ARMC9: variants seen among roughly 807,000 people sequenced by gnomAD.
ARMC9 encodes the protein lisH domain-containing protein ARMC9.
Under a neutral mutation model 107.0 loss-of-function variants are expected in ARMC9, and 94 were observed. The ratio of observed to expected loss-of-function variants is 0.88; its 90% CI spans 0.74 to 1.04. The LOEUF (loss-of-function observed/expected upper bound fraction) is 1.04. Ranked by LOEUF, ARMC9 falls within the 50% of genes least tolerant of loss-of-function variation. The pLI is 0.00. For synonymous variants in ARMC9, 380 were observed against 396.9 expected (o/e 0.96, Z 0.51); for missense variants, 942 against 1,030.1 (o/e 0.91, Z 1.17).
chr2:231,241,249 C>T (rs2036273337), intron 9 of ARMC9, among the ~76,000 whole-genome samples: 1 of 151,788 alleles, frequency 6.6e-6, no homozygotes, highest in African/African-American at 2.4e-5. Context: ...TTGATATTTC[C>T]TTATAATTAG....
chr2:231,226,726 G>A (rs2034676934), intron 6 of ARMC9, 48 bp from the exon 7 acceptor site: 1 of 1,600,638 alleles, frequency 6.2e-7, no homozygotes, highest in African/African-American at 1.3e-5. Context: ...GATACCCCAA[G>A]TACCGTTCCC....
chr2:231,255,298 G>A lies in ARMC9; in HGVS notation c.880-1288G>A, dbSNP rs1313004733. ...ACAGGATCAGGATTAAAAGAGAGTG[G>A]GGTGGAAGAGGGGTTGTTAATGTTT... On this transcript the variant is annotated intron_variant, in intron 9 of 24. Transcript: ENST00000611582. The surrounding 1 kb of genome is among the most constrained non-coding windows in gnomAD (Gnocchi z 4.7). 1.3e-5 allele frequency among the ~76,000 whole-genome samples: 2 copies of A among 152,082 alleles called. No homozygotes were observed.
chr2:231,364,329 G>C (rs1233233544), intron 23 of ARMC9, among the ~76,000 whole-genome samples: 1 of 152,258 alleles, frequency 6.6e-6, no homozygotes, highest in Non-Finnish European at 1.5e-5. Context: ...TCAGGCCCAG[G>C]ACAGGATCAG....
At chr2:231,253,607 G>A (rs2037498953) in intron 9 of ARMC9, among the ~76,000 whole-genome samples, 1 of 152,184 alleles carries the variant, frequency 6.6e-6, no homozygotes, top group Admixed American at 6.5e-5. Context: ...TATTGTGCAG[G>A]CATGTCCGCT....
chr2:231,272,187 G>GTTTTTTTT (rs56201225), intron 13 of ARMC9, among the ~76,000 whole-genome samples: 12 of 99,726 alleles, frequency 1.2e-4, no homozygotes, highest in East Asian at 3.4e-4. Flanking sequence ...TGTGTGTTTG[G>GTTTTTTTT]TTTTTTTTTT....
chr2:231,370,149 G>C, intron 24 of ARMC9, 24 bp downstream of exon 24: 4 of 1,489,852 alleles, frequency 2.7e-6, no homozygotes, highest in Non-Finnish European at 3.6e-6. Flanking sequence ...GGCCCCACTG[G>C]CGTGGGAGCC....
chr2:231,344,903 A>G lies in ARMC9; in HGVS notation c.1879-72A>G, dbSNP rs2044723707. 6 of 1,435,774 alleles carry G rather than the reference A, an allele frequency of 4.2e-6. 1 individual carries two copies. Among genetic ancestry groups the G allele is most frequent in the Non-Finnish European group, 2.0e-6 (2 of 1,021,798 alleles). The allele number at this position is 1,435,774 out of a possible 1,614,324, so 88.9% of individuals were successfully genotyped here. On this transcript the variant is annotated intron_variant, in intron 20 of 24. Transcript: ENST00000611582. Reference sequence around the variant, plus strand: ...CATTATAGAGTAGTTTATTCAGTGTATTCTGCTTGACTTCTAGGTCAGCTC... The same window carrying G: ...CATTATAGAGTAGTTTATTCAGTGTGTTCTGCTTGACTTCTAGGTCAGCTC...
intron 11 of ARMC9, among the ~76,000 whole-genome samples, chr2:231,262,066 C>G (rs1235782551): frequency 6.6e-6 from 1 of 152,162 alleles, no homozygotes; most frequent in Non-Finnish European, 1.5e-5. Flanking sequence ...TCGTGATCCA[C>G]CTGCCTCGGC....
intron 7 of ARMC9, among the ~76,000 whole-genome samples, chr2:231,233,449 C>T (rs2035425392): frequency 6.6e-6 from 1 of 152,054 alleles, no homozygotes; most frequent in Admixed American, 6.6e-5. Flanking sequence ...CATGCCACTG[C>T]TTTAGGATGG....
intron 3 of ARMC9, among the ~76,000 whole-genome samples, chr2:231,213,168 T>TC (rs2033097624): frequency 6.6e-6 from 1 of 151,788 alleles, no homozygotes; most frequent in South Asian, 2.1e-4. Context: ...TTTTTTCTTT[T>TC]TTTTTTTTTT....
Position 231,235,294 on chromosome 2 carries a change from C to T in ARMC9, c.693C>T (p.Tyr231=). 2 of 1,614,212 alleles carry T rather than the reference C, an allele frequency of 1.2e-6. No homozygotes were observed. The highest frequency in any genetic ancestry group is 4.5e-5 in the East Asian group (2 of 44,888). Residue 231 remains tyrosine (Y), a synonymous_variant, in exon 8 of 25, where the codon TAC becomes TAT. Transcript: ENST00000611582. Reference sequence around the variant, plus strand: ...GGTCAGTGACATACCTCAAACGGTACAATAAGATCCAGGCCGACTACCACA... The same window carrying T: ...GGTCAGTGACATACCTCAAACGGTATAATAAGATCCAGGCCGACTACCACA... ...ERRSVTYLKR[Y]NKIQADYHNL...
intron 20 of ARMC9, among the ~76,000 whole-genome samples, chr2:231,334,179 T>C (rs887205718): frequency 2.0e-5 from 3 of 152,234 alleles, no homozygotes; most frequent in African/African-American, 7.2e-5. Flanking sequence ...ACTGTGAAGA[T>C]GGGAAGAGCC....
chr2:231,331,222 T>C lies in ARMC9; in HGVS notation c.1774-571T>C, dbSNP rs1264013866. Among the ~76,000 whole-genome samples, 5 of 152,302 alleles carry C rather than the reference T, an allele frequency of 3.3e-5. No homozygotes were observed. In the East Asian group the frequency reaches 7.7e-4, roughly 23 times the overall value. On this transcript the variant is annotated intron_variant, in intron 19 of 24. Transcript: ENST00000611582. Reference sequence around the variant, plus strand: ...CCCCTAGGCAGTCTGCTTTCATCTCTCCATCTTTCAGAGTCACTTTATGTT... The same window carrying C: ...CCCCTAGGCAGTCTGCTTTCATCTCCCCATCTTTCAGAGTCACTTTATGTT...
intron 22 of ARMC9, among the ~76,000 whole-genome samples, chr2:231,357,762 C>T (rs183425775): frequency 1.3e-5 from 2 of 152,140 alleles, no homozygotes; most frequent in East Asian, 1.9e-4. Flanking sequence ...TTTGTAAAGA[C>T]GAAGTTTGCT....
In ARMC9 at chr2:231,375,762, C is replaced by T. The variant is rs2046177885; in HGVS notation, c.*4227C>T. 6.6e-6 allele frequency among the ~76,000 whole-genome samples: 1 copy of T among 152,178 alleles called. No individual in the cohort carries two copies. Among genetic ancestry groups the T allele is most frequent in the East Asian group, 1.9e-4 (1 of 5,196 alleles). On this transcript the variant is annotated 3_prime_UTR_variant, in exon 25 of 25. Transcript: ENST00000611582. The surrounding 1 kb of genome is among the most constrained non-coding windows in gnomAD (Gnocchi z 4.3). ...ACAGAGCCCTATCCAGAGTCGTCAT[C>T]TTAAGGTGTCTACTAAAGCCTGGGG...
chr2:231,272,197 T>G (rs2039388981), intron 13 of ARMC9, among the ~76,000 whole-genome samples: 1 of 145,876 alleles, frequency 6.9e-6, no homozygotes, highest in Admixed American at 6.8e-5. Flanking sequence ...GTTTTTTTTT[T>G]TTTTTTTTTT....
chr2:231,206,048 C>G, intron 1 of ARMC9, 150 bp from the exon 2 acceptor site: 1 of 623,494 alleles, frequency 1.6e-6, no homozygotes. Context: ...CCTTAATTCC[C>G]CCTTGCCGTG....
At chr2:231,371,063 C>T (rs1381478114) in intron 24 of ARMC9, 2 of 458,628 alleles carry the variant, frequency 4.4e-6, no homozygotes, top group Admixed American at 2.3e-5. Context: ...AAAACCCCAG[C>T]CCAGCCAGTC....
intron 1 of ARMC9, among the ~76,000 whole-genome samples, chr2:231,199,708 T>C (rs1384881850): frequency 6.6e-6 from 1 of 152,224 alleles, no homozygotes; most frequent in Non-Finnish European, 1.5e-5. Flanking sequence ...TTCTTTTCCT[T>C]TTTTTGAGAC....
Sources: allele counts gnomAD v4.1 joint callset (sites outside exome capture counted in the v4.1 genomes callset), GRCh38; gene constraint gnomAD v4.1.1; non-coding constraint Gnocchi (gnomAD v3.1); transcripts MANE v1.5; gene names NCBI Gene and HGNC (gene_info 2026-07-23, HGNC 2026-07-21).